PRIM2: variants seen among roughly 807,000 people sequenced by gnomAD.
The protein encoded by PRIM2 is DNA primase large subunit.
A neutral mutation model predicts 67.3 loss-of-function variants in PRIM2; 39 were observed. The ratio of observed to expected loss-of-function variants is 0.58; its 90% CI spans 0.45 to 0.76. The LOEUF is 0.76. Ranked by LOEUF, PRIM2 falls within the 30% of genes least tolerant of loss-of-function variation. PRIM2 has a pLI of 0.00. For synonymous variants in PRIM2, 143 were observed against 198.7 expected (o/e 0.72, Z 2.36); for missense variants, 398 against 598.7 (o/e 0.66, Z 3.50).
intron 7 of PRIM2, among the ~76,000 whole-genome samples, chr6:57,416,053 G>C (rs1184057030): frequency 1.3e-5 from 2 of 152,140 alleles, no homozygotes; most frequent in Non-Finnish European, 2.9e-5. Flanking sequence ...CATCTAGATT[G>C]GTGAATCGTT....
intron 7 of PRIM2, among the ~76,000 whole-genome samples, chr6:57,486,726 A>T (rs1394139546): frequency 6.6e-6 from 1 of 152,252 alleles, no homozygotes; most frequent in Non-Finnish European, 1.5e-5. Flanking sequence ...AGGCATCAGA[A>T]ATGAGACCTT....
chr6:57,562,202 A>G (rs1282609982), intron 10 of PRIM2, among the ~76,000 whole-genome samples: 1 of 152,228 alleles, frequency 6.6e-6, no homozygotes. Context: ...AGAATGAGAT[A>G]TAATAATGAA....
chr6:57,460,353 G>C (rs1428205631), intron 7 of PRIM2, among the ~76,000 whole-genome samples: 1 of 152,084 alleles, frequency 6.6e-6, no homozygotes, highest in African/African-American at 2.4e-5. Flanking sequence ...CTTTTGGAAA[G>C]CTTTACTAGG....
At chr6:57,469,924 T>C (rs1271650211) in intron 7 of PRIM2, among the ~76,000 whole-genome samples, 2 of 152,174 alleles carry the variant, frequency 1.3e-5, no homozygotes, top group African/African-American at 4.8e-5. Flanking sequence ...TTTTCTGCAG[T>C]CTCATCTCTG....
At chr6:57,563,025 G>A (rs1466805168) in intron 10 of PRIM2, among the ~76,000 whole-genome samples, 2 of 152,082 alleles carry the variant, frequency 1.3e-5, no homozygotes, top group Non-Finnish European at 2.9e-5. Context: ...TCAAAAGGGG[G>A]ATTTAAAATT....
chr6:57,401,149 G>GAGAACATCTCCAAACAACGC (rs2127355517), intron 7 of PRIM2, among the ~76,000 whole-genome samples: 1 of 152,278 alleles, frequency 6.6e-6, no homozygotes, highest in South Asian at 2.1e-4. Flanking sequence ...GGCTGATGTG[G>GAGAACATCTCCAAACAACGC]TTGTTTGGAG....
At chr6:57,538,028 C>G in intron 10 of PRIM2, among the ~76,000 whole-genome samples, 1 of 115,740 alleles carries the variant, frequency 8.6e-6, no homozygotes, top group East Asian at 3.1e-4. Flanking sequence ...TTTTTTTTTT[C>G]GAGACAGGGT....
rs1351860893 is a variant in PRIM2 at position 57,608,393 on chromosome 6, C to T, written c.1230+1936C>T. Among the ~76,000 whole-genome samples, 287 of 152,196 alleles carry T rather than the reference C, an allele frequency of 1.9e-3. 1 individual carries two copies. Among genetic ancestry groups the T allele is most frequent in the African/African-American group, 6.7e-3 (279 of 41,534 alleles). ...GGTGGAAACCAAAAGCAAGATTATA[C>T]TTGCTTAAAAAATTAATGAAAGACA... is the stretch of plus-strand genomic sequence containing the variant. On this transcript the variant is annotated intron_variant, in intron 12 of 13. Transcript: ENST00000615550.
At chr6:57,605,975 A>G (rs1314148001) in intron 11 of PRIM2, among the ~76,000 whole-genome samples, 1 of 151,874 alleles carries the variant, frequency 6.6e-6, no homozygotes, top group Non-Finnish European at 1.5e-5. Flanking sequence ...TTGTTTATCT[A>G]TCTTCCTTCT....
the PRIM2 span, among the ~76,000 whole-genome samples, chr6:57,303,343 C>T: frequency 6.6e-6 from 1 of 151,944 alleles, no homozygotes; most frequent in Non-Finnish European, 1.5e-5. Flanking sequence ...GAATCACTGT[C>T]ATCATATTTA....
chr6:57,325,015 A>G (rs945377628), intron 4 of PRIM2, among the ~76,000 whole-genome samples: 1 of 152,168 alleles, frequency 6.6e-6, no homozygotes, highest in Non-Finnish European at 1.5e-5. Context: ...GTGAAATCAT[A>G]TTTTGCATCC....
intron 7 of PRIM2, among the ~76,000 whole-genome samples, chr6:57,464,536 G>T (rs2397319): frequency 1.3e-5 from 2 of 152,078 alleles, no homozygotes; most frequent in South Asian, 2.1e-4. Context: ...CGACCCCCCA[G>T]TGTGTTGAGA....
the PRIM2 span, among the ~76,000 whole-genome samples, chr6:57,277,408 A>T: frequency 6.6e-6 from 1 of 152,168 alleles, no homozygotes; most frequent in African/African-American, 2.4e-5. Context: ...TTTACTCTAC[A>T]AATATATATT....
intron 3 of PRIM2, among the ~76,000 whole-genome samples, chr6:57,323,460 C>T (rs1015301099): frequency 6.6e-6 from 1 of 151,848 alleles, no homozygotes; most frequent in African/African-American, 2.4e-5. Context: ...GAAAATAGTG[C>T]GGTCCAAACT....
chr6:57,325,839 G>T, intron 4 of PRIM2, 86 bp from the exon 5 acceptor site: 1 of 1,372,706 alleles, frequency 7.3e-7, no homozygotes, highest in Non-Finnish European at 9.9e-7. Flanking sequence ...TCTTGCTGAT[G>T]TTTGAATATT....
chr6:57,396,510 A>T (rs1213893884), intron 7 of PRIM2, among the ~76,000 whole-genome samples: 1 of 152,146 alleles, frequency 6.6e-6, no homozygotes, highest in Non-Finnish European at 1.5e-5. Context: ...GAAATGCCTT[A>T]TTCCACCCCT....
intron 7 of PRIM2, among the ~76,000 whole-genome samples, chr6:57,404,908 A>G (rs1222447002): frequency 6.8e-6 from 1 of 146,122 alleles, no homozygotes; most frequent in East Asian, 2.0e-4. Context: ...AATAAACTCT[A>G]ATTTTCCAGA....
At chr6:57,231,040 T>C in the PRIM2 span, among the ~76,000 whole-genome samples, 2 of 152,190 alleles carry the variant, frequency 1.3e-5, no homozygotes, top group Admixed American at 6.5e-5. Flanking sequence ...AGCAGAATGG[T>C]GAGGACATTT....
intron 5 of PRIM2, among the ~76,000 whole-genome samples, chr6:57,354,266 G>A (rs1165757997): frequency 1.3e-5 from 2 of 151,984 alleles, no homozygotes; most frequent in South Asian, 2.1e-4. Flanking sequence ...TAAAAAATGC[G>A]ATTTGAATCT....
Sources: gnomAD v4.1 joint callset for allele counts (sites outside exome capture counted in the v4.1 genomes callset) on GRCh38, gnomAD v4.1.1 for gene constraint, MANE v1.5 for transcripts, NCBI Gene and HGNC (gene_info 2026-07-23, HGNC 2026-07-21) for gene names.